FADS2: variants seen among roughly 807,000 people sequenced by gnomAD.
FADS2 encodes fatty acid desaturase 2.
In FADS2, 18 loss-of-function variants were observed where a neutral mutation model predicts 61.2. The ratio of observed to expected loss-of-function variants is 0.29; its 90% CI spans 0.20 to 0.44. FADS2 has a LOEUF of 0.44. FADS2 is among the 20% of genes least tolerant of loss of function. FADS2 has a pLI of 1.00. For synonymous variants in FADS2, 203 were observed against 223.9 expected (o/e 0.91, Z 0.83); for missense variants, 322 against 572.7 (o/e 0.56, Z 4.47).
intron 5 of FADS2, among the ~76,000 whole-genome samples, chr11:61,853,319 C>CCTTCCTTCCTTA: frequency 7.6e-6 from 1 of 131,954 alleles, no homozygotes; most frequent in Non-Finnish European, 1.6e-5. Context: ...TTCCTTCCTT[C>CCTTCCTTCCTTA]CTTCCTTCCT....
chr11:61,852,760 C>T (rs1003612073), intron 5 of FADS2, among the ~76,000 whole-genome samples: 2 of 151,968 alleles, frequency 1.3e-5, no homozygotes, highest in Non-Finnish European at 2.9e-5. Context: ...TATCTTTTGT[C>T]CCGCTAGTGT....
At chr11:61,857,403 G>A in intron 6 of FADS2, 51 bp from the exon 7 acceptor site, 1 of 1,546,494 alleles carries the variant, frequency 6.5e-7, no homozygotes, top group Non-Finnish European at 8.9e-7. Flanking sequence ...TGACCTTCCG[G>A]CACAGGCAGG....
chr11:61,837,489 A>G (rs1356354921), intron 1 of FADS2, among the ~76,000 whole-genome samples: 5 of 152,140 alleles, frequency 3.3e-5, no homozygotes, highest in Non-Finnish European at 5.9e-5. Flanking sequence ...GAGGGTCACC[A>G]TTTCCCGACC....
chr11:61,866,069 C>A lies in FADS2; in HGVS notation c.*380C>A. The A allele has an allele frequency of 2.4e-6, 1 of 408,694 alleles. No individual in the cohort carries two copies. The highest frequency in any genetic ancestry group is 1.2e-4 in the South Asian group (1 of 8,446). The allele number at this position is 408,694 out of a possible 1,614,324, so 25.3% of individuals were successfully genotyped here. On this transcript the variant is annotated 3_prime_UTR_variant, in exon 12 of 12. Coordinates refer to ENST00000278840, the MANE Select transcript of FADS2 (RefSeq NM_004265.4). ...TGTGAGTCTCCCCTTGCAGCCTGGT[C>A]ACTAGGCATCACCCCCGCTTTGGTT...
chr11:61,826,760 T>C (rs1009129246), upstream of FADS2, among the ~76,000 whole-genome samples: 4 of 152,054 alleles, frequency 2.6e-5, no homozygotes, highest in African/African-American at 9.7e-5. Flanking sequence ...TTGGGGACTG[T>C]GTGAATGTGA....
upstream of FADS2, chr11:61,828,079 G>C (rs2067097787): frequency 3.2e-6 from 4 of 1,255,066 alleles, no homozygotes; most frequent in Non-Finnish European, 4.0e-6. This position sits in a 1 kb window ranked among gnomAD's most constrained non-coding sequence, Gnocchi z 6.4. Context: ...AGGAGGTGTC[G>C]AGGCCCTGAG....
chr11:61,857,166 G>GA, intron 6 of FADS2, 95 bp downstream of exon 6: 1 of 1,117,154 alleles, frequency 9.0e-7, no homozygotes, highest in South Asian at 1.3e-5. Context: ...TTCAGATCCA[G>GA]AAAGTGACAC....
rs975412332 is a variant in FADS2, at chr11:61,816,928, A to G, written c.141+502A>G. On this transcript the variant is annotated intron_variant, in intron 1 of 11. Coordinates refer to the FADS2 transcript ENST00000257261. This position sits in a 1 kb window ranked among gnomAD's most constrained non-coding sequence, Gnocchi z 7.0. ...GGCGGGCCTCGCAGCGCGCGTTCCC[A>G]TTGGCCGAGCCTCGTGGCGCGGGGA... 1 of 1,391,422 alleles carries G rather than the reference A, an allele frequency of 7.2e-7. No homozygotes were observed. The highest frequency in any genetic ancestry group is 1.6e-5 in the South Asian group (1 of 62,900). The allele number at this position is 1,391,422 out of a possible 1,614,324, so 86.2% of individuals were successfully genotyped here.
At chr11:61,839,028 C>T (rs35827276) in intron 2 of FADS2, among the ~76,000 whole-genome samples, 2,113 of 152,238 alleles carry the variant, frequency 0.014, 30 homozygotes, top group Non-Finnish European at 0.025. Context: ...CTGTGGGTAC[C>T]GCTCCTCTCC....
upstream of FADS2, among the ~76,000 whole-genome samples, chr11:61,824,417 AG>A (rs2067055354): frequency 2.0e-4 from 2 of 10,110 alleles, no homozygotes; most frequent in Non-Finnish European, 2.8e-4. Context: ...AGAGAGAGAG[AG>A]AGAGAGAGAG....
At chr11:61,842,889 A>G (rs1372909234) in intron 4 of FADS2, among the ~76,000 whole-genome samples, 3 of 152,202 alleles carry the variant, frequency 2.0e-5, no homozygotes, top group African/African-American at 7.2e-5. Context: ...GGGCCTCGCC[A>G]ACTCAGATGT....
rs1001301944 is a variant in FADS2, at chr11:61,860,430, C to T, written c.883-2542C>T. ...TGGATCCTGAGATGCTCCCACGCTT[C>T]ACCCTCCTGGAATTTTGCTGTATCT... On this transcript the variant is annotated intron_variant, in intron 7 of 11. Transcript: ENST00000278840. 2.6e-5 allele frequency among the ~76,000 whole-genome samples: 4 copies of T among 152,234 alleles called. No individual in the cohort carries two copies. In the East Asian group the frequency reaches 5.8e-4, roughly 22 times the overall value.
chr11:61,857,414 G>T, intron 6 of FADS2, 40 bp from the exon 7 acceptor site: 1 of 1,582,646 alleles, frequency 6.3e-7, no homozygotes, highest in Non-Finnish European at 8.7e-7. Flanking sequence ...CACAGGCAGG[G>T]TGGAATGGAT....
chr11:61,859,396 C>A (rs2067393364), intron 7 of FADS2, among the ~76,000 whole-genome samples: 1 of 152,182 alleles, frequency 6.6e-6, no homozygotes, highest in Non-Finnish European at 1.5e-5. Flanking sequence ...TGAAGTTGTC[C>A]TTTTCACCCT....
At chr11:61,838,364 T>TGG (rs1399263446) in intron 2 of FADS2, among the ~76,000 whole-genome samples, 2 of 152,128 alleles carry the variant, frequency 1.3e-5, no homozygotes, top group Non-Finnish European at 2.9e-5. Flanking sequence ...TGAGGTCTCA[T>TGG]GGGCTGTTGT....
chr11:61,816,259 G>T lies in FADS2; in HGVS notation c.-27G>T. ...GCTCGGGGTTCTGTCCCCGCCCAGA[G>T]ACCTGAGGCTCGGGGCTGCAGATGG... is the stretch of plus-strand genomic sequence containing the variant. On this transcript the variant is annotated 5_prime_UTR_variant, in exon 1 of 12. Coordinates refer to the FADS2 transcript ENST00000257261. This position sits in a 1 kb window ranked among gnomAD's most constrained non-coding sequence, Gnocchi z 7.0. 6.3e-7 allele frequency: 1 copy of T among 1,598,076 alleles called. No homozygotes were observed. The highest frequency in any genetic ancestry group is 1.1e-5 in the South Asian group (1 of 91,056).
In FADS2 at chr11:61,840,713, T is replaced by C; in HGVS notation, c.606T>C (p.Ile202=). The C allele has an allele frequency of 6.2e-7, 1 of 1,613,674 alleles. No individual in the cohort carries two copies. Among genetic ancestry groups the C allele is most frequent in the Non-Finnish European group, 8.5e-7 (1 of 1,179,538 alleles). ...ACCACCTTGTCCACAAATTCGTCATTGGCCACTTAAAGGTAAGTGTCAGCA... is the reference window on the plus strand; with the variant it reads ...ACCACCTTGTCCACAAATTCGTCATCGGCCACTTAAAGGTAAGTGTCAGCA... ...KWNHLVHKFV[I]GHLKGASANW... Residue 202 remains isoleucine (I), a synonymous_variant, in exon 4 of 12, where the codon ATT becomes ATC. Coordinates refer to ENST00000278840, the MANE Select transcript of FADS2 (RefSeq NM_004265.4).
chr11:61,824,437 AGGGAGGGAG>A (rs1565325185), upstream of FADS2, among the ~76,000 whole-genome samples: 4 of 4,560 alleles, frequency 8.8e-4, no homozygotes, highest in African/African-American at 1.8e-3. Flanking sequence ...AGAGAGAGGG[AGGGAGGGAG>A]GGAGGGAGGG....
chr11:61,848,246 C>T lies in FADS2; in HGVS notation c.706C>T (p.Leu236=), dbSNP rs1308165124. 1.9e-6 allele frequency: 3 copies of T among 1,614,222 alleles called. No homozygotes were observed. In the African/African-American group the frequency reaches 4.0e-5, roughly 22 times the overall value. ...IFHKDPDVNM[L]HVFVLGEWQP... Reference sequence around the variant, plus strand: ...CCACAAGGATCCCGATGTGAACATGCTGCACGTGTTTGTTCTGGGCGAATG... The same window carrying T: ...CCACAAGGATCCCGATGTGAACATGTTGCACGTGTTTGTTCTGGGCGAATG... The change falls in exon 5 of 12, where the codon CTG becomes TTG. Residue 236 remains leucine, a synonymous_variant. Transcript: ENST00000278840.
Sources: gnomAD v4.1 joint callset for allele counts (sites outside exome capture counted in the v4.1 genomes callset) on GRCh38, gnomAD v4.1.1 for gene constraint, Gnocchi (gnomAD v3.1) non-coding constraint, MANE v1.5 for transcripts, NCBI Gene and HGNC (gene_info 2026-07-23, HGNC 2026-07-21) for gene names.